Variants in ACSS2 observed in about 807,000 individuals in gnomAD.
The protein encoded by ACSS2 is acetyl-coenzyme A synthetase, cytoplasmic.
Under a neutral mutation model 90.6 loss-of-function variants are expected in ACSS2, and 58 were observed. The observed-to-expected ratio is 0.64, with a 90% CI of 0.52 to 0.80. ACSS2 has a LOEUF of 0.80. ACSS2 is among the 30% of genes least tolerant of loss of function. The pLI, the probability that ACSS2 is intolerant of heterozygous loss-of-function variation, is 0.00. For missense variants in ACSS2, 759 were observed against 912.0 expected (o/e 0.83, Z 2.16); for synonymous variants, 300 against 330.9 (o/e 0.91, Z 1.01).
chr20:34,901,133 G>A (rs1383563859), intron 2 of ACSS2, among the ~76,000 whole-genome samples: 1 of 152,198 alleles, frequency 6.6e-6, no homozygotes, highest in East Asian at 1.9e-4. Flanking sequence ...TTAGAATAGT[G>A]TTGCTACTAA....
intron 7 of ACSS2, among the ~76,000 whole-genome samples, chr20:34,918,046 C>T (rs117344844): frequency 2.5e-4 from 38 of 152,224 alleles, no homozygotes; most frequent in African/African-American, 7.2e-4. Context: ...CGTGAGCCAC[C>T]GCGCCCAGCC....
intron 2 of ACSS2, among the ~76,000 whole-genome samples, chr20:34,888,177 A>T (rs1348354971): frequency 2.0e-5 from 3 of 152,070 alleles, no homozygotes; most frequent in Admixed American, 6.5e-5. Flanking sequence ...GAGGCAGGAT[A>T]ATATAAAGAT....
In ACSS2 at chr20:34,913,816, A is replaced by G. The variant is rs765017042; in HGVS notation, c.634A>G (p.Ile212Val). 22 of 1,613,874 alleles carry G rather than the reference A, an allele frequency of 1.4e-5. No individual in the cohort carries two copies. The highest frequency in any genetic ancestry group is 5.0e-5 in the Admixed American group (3 of 60,000). The change falls in exon 5 of 18, where the codon ATC becomes GTC. Residue 212 changes from isoleucine to valine, a missense_variant. Transcript: ENST00000360596. ...RILDSSCSLL[I>V]TTDAFYRGEK... ...CTTGGATTCCAGCTGCAGTCTTCTC[A>G]TCACTACAGGTGACTAATTCTCTCA...
chr20:34,881,017 A>ATTTTTTT (rs71761863), intron 1 of ACSS2, among the ~76,000 whole-genome samples: 1 of 75,530 alleles, frequency 1.3e-5, no homozygotes, highest in Admixed American at 1.4e-4. Context: ...TTTCCTCCAA[A>ATTTTTTT]TTTTTTTTTT....
chr20:34,885,757 G>C (rs892891465), intron 2 of ACSS2, among the ~76,000 whole-genome samples: 11 of 152,102 alleles, frequency 7.2e-5, no homozygotes, highest in African/African-American at 2.7e-4. Context: ...GTATTCCATG[G>C]AACACCCACT....
chr20:34,899,184 C>T (rs1160889471), intron 2 of ACSS2, among the ~76,000 whole-genome samples: 1 of 152,184 alleles, frequency 6.6e-6, no homozygotes, highest in African/African-American at 2.4e-5. Context: ...TCGGGCCTCT[C>T]CCTCCGCACC....
rs765538009 is a variant in ACSS2 at position 34,926,914 on chromosome 20, C to T, written c.1941C>T (p.Tyr647=). Residue 647 remains tyrosine (Y), a synonymous_variant, in exon 17 of 18, where the codon TAC becomes TAT. Transcript: ENST00000360596. ...EKIGPIATPD[Y]IQNAPGLPKT... ...TTGGCCCCATTGCCACACCAGACTA[C>T]ATCCAGAATGCACCTGGCTTGCCTA... The T allele has an allele frequency of 1.2e-6, 2 of 1,614,190 alleles. No individual in the cohort carries two copies. Among genetic ancestry groups the T allele is most frequent in the South Asian group, 1.1e-5 (1 of 91,076 alleles).
At position 34,900,462 on chromosome 20, in the gene ACSS2, A is replaced by G. The variant is rs78164651; in HGVS notation, c.375-12634A>G. Among the ~76,000 whole-genome samples the G allele has an allele frequency of 1.8e-3, 274 of 152,028 alleles. 1 individual carries two copies. Among genetic ancestry groups the G allele is most frequent in the Non-Finnish European group, 3.0e-3 (203 of 67,990 alleles). On this transcript the variant is annotated intron_variant, in intron 2 of 17. Transcript: ENST00000360596. The stretch of plus-strand genomic sequence containing the variant: ...AATGTTGGGATTACAGGCATGTGCT[A>G]CTGCACCTGGCCCATTAACTGCCTT...
intron 7 of ACSS2, among the ~76,000 whole-genome samples, chr20:34,918,610 C>A (rs2081126586): frequency 6.6e-6 from 1 of 152,056 alleles, no homozygotes; most frequent in Non-Finnish European, 1.5e-5. Context: ...TATGGGAAAC[C>A]CTATTGGTAC....
Position 34,883,896 on chromosome 20 carries a change from A to G in ACSS2, c.374+907A>G, listed in dbSNP as rs187559372. On this transcript the variant is annotated intron_variant, in intron 2 of 17. Coordinates refer to ENST00000360596, the MANE Select transcript of ACSS2 (RefSeq NM_018677.4). ...TAATTGGGGTGTTGCTTCTGCCACA[A>G]TCTATGAGCACTCAGAGTTGATCTA... Among the ~76,000 whole-genome samples the G allele has an allele frequency of 1.6e-4, 24 of 152,260 alleles. No homozygotes were observed. In the East Asian group the frequency reaches 4.4e-3, roughly 28 times the overall value.
At chr20:34,883,754 G>A (rs1156991574) in intron 2 of ACSS2, among the ~76,000 whole-genome samples, 1 of 152,186 alleles carries the variant, frequency 6.6e-6, no homozygotes, top group Non-Finnish European at 1.5e-5. Flanking sequence ...CTCCTTGCTT[G>A]TACCACTAGG....
intron 2 of ACSS2, among the ~76,000 whole-genome samples, chr20:34,893,396 G>T (rs142570551): frequency 5.9e-4 from 89 of 151,866 alleles, no homozygotes; most frequent in African/African-American, 2.1e-3. Context: ...TTTTGAGACA[G>T]AATTTTGCTC....
rs139527842 is a variant in ACSS2 at position 34,892,951 on chromosome 20, G to A, written c.374+9962G>A. Among the ~76,000 whole-genome samples, 1,262 of 152,256 alleles carry A rather than the reference G, an allele frequency of 8.3e-3. 12 individuals are homozygous for A. The highest frequency in any genetic ancestry group is 0.015 in the Non-Finnish European group (1,008 of 68,014). On this transcript the variant is annotated intron_variant, in intron 2 of 17. Transcript: ENST00000360596. The stretch of plus-strand genomic sequence containing the variant: ...AGTCTCAGGTTCCTCATATGATGTG[G>A]CTTCCTAAACAACCATGTCGGTCTC...
chr20:34,875,517 C>T (rs940790691), upstream of ACSS2, among the ~76,000 whole-genome samples: 3 of 152,128 alleles, frequency 2.0e-5, no homozygotes, highest in Non-Finnish European at 4.4e-5. Context: ...TGCAGTCAGC[C>T]GAGATTGTGC....
chr20:34,889,187 A>G (rs1233662630), intron 2 of ACSS2, among the ~76,000 whole-genome samples: 1 of 151,984 alleles, frequency 6.6e-6, no homozygotes, highest in Non-Finnish European at 1.5e-5. Context: ...CAGTGGCACA[A>G]TCTTCGCTCA....
At chr20:34,876,495 T>G, upstream of ACSS2, 1 of 675,652 alleles carries the variant, frequency 1.5e-6, no homozygotes, top group Non-Finnish European at 2.1e-6. Context: ...CCCCGCCCCC[T>G]CTGGCACCGC....
At chr20:34,897,826 TA>T (rs535126568) in intron 2 of ACSS2, among the ~76,000 whole-genome samples, 67 of 145,232 alleles carry the variant, frequency 4.6e-4, no homozygotes, top group Middle Eastern at 3.5e-3. Context: ...GAGACTGTCT[TA>T]AAAAAAAAAA....
At chr20:34,883,649 T>G (rs111309001) in intron 2 of ACSS2, among the ~76,000 whole-genome samples, 1 of 152,214 alleles carries the variant, frequency 6.6e-6, no homozygotes, top group Non-Finnish European at 1.5e-5. Flanking sequence ...TTTCATTTTA[T>G]AGGTGAACAA....
At chr20:34,912,882 C>A (rs2147074226) in intron 2 of ACSS2, among the ~76,000 whole-genome samples, 1 of 152,330 alleles carries the variant, frequency 6.6e-6, no homozygotes, top group South Asian at 2.1e-4. Context: ...TTTCTAATGA[C>A]ATACAACATG....
Sources: allele counts gnomAD v4.1 joint callset (sites outside exome capture counted in the v4.1 genomes callset), GRCh38; gene constraint gnomAD v4.1.1; transcripts MANE v1.5; gene names NCBI Gene and HGNC (gene_info 2026-07-23, HGNC 2026-07-21).